PCDHGA6: variants seen among roughly 807,000 people sequenced by gnomAD.
PCDHGA6 encodes protocadherin gamma subfamily A, 6.
PCDHGA6 carries 41 observed loss-of-function variants against 60.6 expected under a neutral mutation model. That is an observed-to-expected ratio of 0.68 (90% confidence interval 0.53 to 0.88). The LOEUF (loss-of-function observed/expected upper bound fraction) is 0.88, where lower values mean the gene tolerates loss of function less well. Ranked by LOEUF, PCDHGA6 falls within the 40% of genes least tolerant of loss-of-function variation. The pLI, the probability that PCDHGA6 is intolerant of heterozygous loss-of-function variation, is 0.00. For synonymous variants in PCDHGA6, 594 were observed against 524.4 expected, an observed-to-expected ratio of 1.13 and a Z score of -1.81; for missense variants, 1,312 against 1,203.0, an observed-to-expected ratio of 1.09 and a Z score of -1.34.
At chr5:141,494,268 C>G (rs576129333) in intron 1 of PCDHGA6, among the ~76,000 whole-genome samples, 31 of 152,288 alleles carry the variant, frequency 2.0e-4, no homozygotes, top group African/African-American at 7.2e-4. Flanking sequence ...TTCTTGCAAG[C>G]CAAGGGCCCA....
chr5:141,416,828 C>T (rs1014962852), intron 1 of PCDHGA6: 2 of 152,042 alleles, frequency 1.3e-5, no homozygotes, highest in African/African-American at 4.8e-5. Context: ...CGAAGTTTCT[C>T]AAGACCCTTA....
chr5:141,383,111 G>T, intron 1 of PCDHGA6: 1 of 1,614,040 alleles, frequency 6.2e-7, no homozygotes, highest in Non-Finnish European at 8.5e-7. Context: ...TCCAGAGGTA[G>T]GACGCAGCTT....
In PCDHGA6 at chr5:141,419,425, C is replaced by T. The variant is rs3749766; in HGVS notation, c.2424+42918C>T. Reference sequence around the variant, plus strand: ...TGTTCGCGCAGCGCGCCTTCGACCACGAGCAGCTGCGCACCTTCGAGCTCA... The same window carrying T: ...TGTTCGCGCAGCGCGCCTTCGACCATGAGCAGCTGCGCACCTTCGAGCTCA... On this transcript the variant is annotated intron_variant, in intron 1 of 3. Transcript: ENST00000517434. 284 of 1,613,316 alleles carry T rather than the reference C, an allele frequency of 1.8e-4. 1 individual carries two copies. The East Asian group carries it at 5.9e-3, about 34-fold the overall frequency.
intron 1 of PCDHGA6, chr5:141,422,466 G>T: frequency 1.2e-6 from 2 of 1,613,528 alleles, no homozygotes; most frequent in Non-Finnish European, 1.7e-6. Flanking sequence ...TGCTGGACAG[G>T]GAGTTGGTCC....
chr5:141,437,800 C>G (rs963856257), intron 1 of PCDHGA6, among the ~76,000 whole-genome samples: 1 of 150,744 alleles, frequency 6.6e-6, no homozygotes, highest in African/African-American at 2.4e-5. Flanking sequence ...TGCAGTGGCA[C>G]TATCTTGGCT....
At chr5:141,484,639 C>A (rs1366750263) in intron 1 of PCDHGA6, among the ~76,000 whole-genome samples, 1 of 151,938 alleles carries the variant, frequency 6.6e-6, no homozygotes, top group Non-Finnish European at 1.5e-5. Context: ...AGTGACCACT[C>A]TCCAATGGCT....
intron 1 of PCDHGA6, among the ~76,000 whole-genome samples, chr5:141,402,017 A>G (rs1052839882): frequency 2.0e-5 from 3 of 152,210 alleles, no homozygotes; most frequent in African/African-American, 7.2e-5. Flanking sequence ...ATGCATTTGA[A>G]TCATTGAAAC....
At position 141,511,423 on chromosome 5, in the gene PCDHGA6, A is replaced by G. The variant is rs1301463531; in HGVS notation, c.*250A>G. On this transcript the variant is annotated 3_prime_UTR_variant, in exon 4 of 4. Transcript: ENST00000517434. ...AATCAACTGCTGTACCCATGGGGGTAGTGGGGTTACTGTAGACACCAAGAA... is the reference window on the plus strand; with the variant it reads ...AATCAACTGCTGTACCCATGGGGGTGGTGGGGTTACTGTAGACACCAAGAA... 15 of 818,384 alleles carry G rather than the reference A, an allele frequency of 1.8e-5. No homozygotes were observed. Among genetic ancestry groups the G allele is most frequent in the East Asian group, 3.0e-5 (1 of 33,874 alleles). 50.7% of individuals were successfully genotyped at this position (818,384 alleles called of 1,614,324 possible). A position where few individuals can be genotyped will look rare whatever the true frequency, so the allele number is the denominator to read the frequency against.
At chr5:141,390,458 G>A (rs1037400063) in intron 1 of PCDHGA6, 7 of 754,546 alleles carry the variant, frequency 9.3e-6, no homozygotes, top group Non-Finnish European at 1.5e-5. Context: ...AGTAAAGTAG[G>A]AGCAATTGTG....
At chr5:141,497,020 C>T (rs138768677) in intron 2 of PCDHGA6, among the ~76,000 whole-genome samples, 8 of 152,122 alleles carry the variant, frequency 5.3e-5, no homozygotes, top group African/African-American at 1.7e-4. Flanking sequence ...GAAACCCCAT[C>T]TCGATTAAAA....
At chr5:141,398,727 A>G in intron 1 of PCDHGA6, 1 of 1,613,894 alleles carries the variant, frequency 6.2e-7, no homozygotes, top group Middle Eastern at 1.6e-4. Flanking sequence ...AGAAAACCTT[A>G]GACCGGGAAC....
intron 1 of PCDHGA6, among the ~76,000 whole-genome samples, chr5:141,451,611 G>C (rs1004906441): frequency 6.6e-6 from 1 of 152,166 alleles, no homozygotes; most frequent in Admixed American, 6.5e-5. Context: ...GCTAGGCATG[G>C]TGGCTCAAAC....
chr5:141,418,506 A>G, intron 1 of PCDHGA6: 1 of 1,613,978 alleles, frequency 6.2e-7, no homozygotes, highest in Non-Finnish European at 8.5e-7. Flanking sequence ...ACCGCCTTAG[A>G]TGGTGGGGAC....
At chr5:141,386,071 T>C (rs1306390506) in intron 1 of PCDHGA6, 4 of 152,214 alleles carry the variant, frequency 2.6e-5, no homozygotes, top group Non-Finnish European at 5.9e-5. Context: ...CAGTATGTTG[T>C]TTTAGTGGTA....
chr5:141,388,769 C>T (rs1216196772), intron 1 of PCDHGA6: 23 of 1,613,914 alleles, frequency 1.4e-5, no homozygotes, highest in Non-Finnish European at 1.9e-5. Flanking sequence ...TGAACTCTAA[C>T]ACCGGGGAAA....
At chr5:141,382,022 T>C (rs1330641881) in intron 1 of PCDHGA6, among the ~76,000 whole-genome samples, 1 of 151,530 alleles carries the variant, frequency 6.6e-6, no homozygotes, top group Non-Finnish European at 1.5e-5. Context: ...AGAGACGGGG[T>C]TTCTCCATGT....
chr5:141,428,013 C>T, intron 1 of PCDHGA6: 4 of 1,603,660 alleles, frequency 2.5e-6, no homozygotes, highest in Non-Finnish European at 3.4e-6. Flanking sequence ...CGATATAGTG[C>T]CACGCGCCGC....
chr5:141,485,714 G>A lies in PCDHGA6; in HGVS notation c.2425-9093G>A. 6.2e-7 allele frequency: 1 copy of A among 1,614,182 alleles called. No individual in the cohort carries two copies. The highest frequency in any genetic ancestry group is 8.5e-7 in the Non-Finnish European group (1 of 1,180,042). On this transcript the variant is annotated intron_variant, in intron 1 of 3. Transcript: ENST00000517434. This position sits in a 1 kb window ranked among gnomAD's most constrained non-coding sequence, Gnocchi z 5.7. ...GAGCTCCAATGAACACTTTGCACTG[G>A]ATGTGAAGAAGCGCAGCGACGGCAG...
At chr5:141,480,828 TAAGATC>T (rs1054950452) in intron 1 of PCDHGA6, among the ~76,000 whole-genome samples, 22 of 152,260 alleles carry the variant, frequency 1.4e-4, no homozygotes, top group African/African-American at 5.1e-4. Context: ...GGGTGGATCA[TAAGATC>T]AGGAGTTTGA....
Sources: allele counts gnomAD v4.1 joint callset (sites outside exome capture counted in the v4.1 genomes callset), GRCh38; gene constraint gnomAD v4.1.1; non-coding constraint Gnocchi (gnomAD v3.1); transcripts MANE v1.5; gene names NCBI Gene and HGNC (gene_info 2026-07-23, HGNC 2026-07-21).